The following FNIP2 variants were observed in gnomAD, a reference collection of about 807,000 sequenced individuals.
The protein encoded by FNIP2 is folliculin-interacting protein 2.
A neutral mutation model predicts 108.7 loss-of-function variants in FNIP2; 32 were observed. The ratio of observed to expected loss-of-function variants is 0.29; its 90% CI spans 0.22 to 0.40. FNIP2 has a LOEUF of 0.40. FNIP2 is among the 10% of genes least tolerant of loss of function. The probability of loss-of-function intolerance (pLI) is 1.00; values close to 1 mark genes in which losing one functional copy is unlikely to be tolerated. For missense variants in FNIP2, 1,202 were observed against 1,381.6 expected (o/e 0.87, Z 2.06); for synonymous variants, 480 against 496.7 (o/e 0.97, Z 0.45).
chr4:158,822,180 T>A (rs1027233607), intron 1 of FNIP2, among the ~76,000 whole-genome samples: 30 of 147,894 alleles, frequency 2.0e-4, no homozygotes, highest in Admixed American at 1.9e-3. Flanking sequence ...TCCTCTTTTT[T>A]TTTTTTTTTT....
chr4:158,812,127 A>C (rs1777312334), intron 1 of FNIP2, among the ~76,000 whole-genome samples: 1 of 152,170 alleles, frequency 6.6e-6, no homozygotes, highest in Non-Finnish European at 1.5e-5. Context: ...CACTGCCCCT[A>C]ATATCTTTCC....
At chr4:158,820,326 A>G (rs536117600) in intron 1 of FNIP2, among the ~76,000 whole-genome samples, 1 of 152,286 alleles carries the variant, frequency 6.6e-6, no homozygotes, top group South Asian at 2.1e-4. Context: ...GATTCCTGTA[A>G]AAGTTCAAGA....
chr4:158,780,840 C>T (rs1340749200), intron 1 of FNIP2, among the ~76,000 whole-genome samples: 3 of 152,080 alleles, frequency 2.0e-5, no homozygotes, highest in Non-Finnish European at 4.4e-5. Flanking sequence ...CAAGAACAGC[C>T]TGACCAACAT....
At chr4:158,890,233 A>G in intron 14 of FNIP2, 1 of 985,228 alleles carries the variant, frequency 1.0e-6, no homozygotes. Flanking sequence ...TGGGAAAAAT[A>G]TAAATCCTGA....
chr4:158,875,515 G>GATATATATAT (rs56389652), intron 14 of FNIP2, among the ~76,000 whole-genome samples: 3,889 of 111,760 alleles, frequency 0.035, 249 homozygotes, highest in East Asian at 0.064. Context: ...GCCTGGCTGT[G>GATATATATAT]ATATATATAT....
chr4:158,796,690 C>A (rs1776602259), intron 1 of FNIP2, among the ~76,000 whole-genome samples: 1 of 152,170 alleles, frequency 6.6e-6, no homozygotes, highest in Non-Finnish European at 1.5e-5. Flanking sequence ...TCGCATTTGT[C>A]TAGAATTTTA....
At chr4:158,849,159 A>G (rs1238886364) in intron 7 of FNIP2, among the ~76,000 whole-genome samples, 1 of 152,242 alleles carries the variant, frequency 6.6e-6, no homozygotes, top group African/African-American at 2.4e-5. Flanking sequence ...CAGCTCTTAC[A>G]TAGAAAGGCA....
intron 15 of FNIP2, chr4:158,893,549 T>G: frequency 1.7e-6 from 1 of 605,630 alleles, no homozygotes; most frequent in African/African-American, 1.8e-5. Flanking sequence ...TCCAAACTGT[T>G]TATTTGGGCT....
chr4:158,901,475 C>G (rs549135587), intron 16 of FNIP2, among the ~76,000 whole-genome samples: 1 of 152,002 alleles, frequency 6.6e-6, no homozygotes, highest in Non-Finnish European at 1.5e-5. Flanking sequence ...CTTGGGGTTG[C>G]TCTTCTCGAG....
intron 1 of FNIP2, among the ~76,000 whole-genome samples, chr4:158,784,474 T>C (rs1776151353): frequency 6.6e-6 from 1 of 152,248 alleles, no homozygotes; most frequent in Admixed American, 6.5e-5. Flanking sequence ...ATTTATTGTG[T>C]ACTTTATTTC....
chr4:158,812,078 T>G (rs574484326), intron 1 of FNIP2, among the ~76,000 whole-genome samples: 156 of 152,294 alleles, frequency 1.0e-3, no homozygotes, highest in Middle Eastern at 3.4e-3. Context: ...GTGGATGGTT[T>G]AGCGGCTGCA....
rs565507997 is a variant in FNIP2 at position 158,841,603 on chromosome 4, A to G, written c.727+6127A>G. On this transcript the variant is annotated intron_variant, in intron 7 of 16. Coordinates refer to ENST00000264433, the MANE Select transcript of FNIP2 (RefSeq NM_020840.3). ...TGTGACACCCCATTGACCTTGCACA[A>G]TTCCATACAGGCAAAGGCTTAAGCT... 6.6e-5 allele frequency among the ~76,000 whole-genome samples: 10 copies of G among 152,326 alleles called. No individual in the cohort carries two copies. In the South Asian group the frequency reaches 2.1e-3, roughly 32 times the overall value.
At chr4:158,857,794 A>AAG (rs1780069377) in intron 8 of FNIP2, among the ~76,000 whole-genome samples, 1 of 149,530 alleles carries the variant, frequency 6.7e-6, no homozygotes, top group African/African-American at 2.5e-5. Flanking sequence ...AAAAAAAAAA[A>AAG]AAATGTATCC....
intron 1 of FNIP2, chr4:158,806,257 G>A (rs780140150): frequency 2.3e-6 from 3 of 1,289,344 alleles, no homozygotes; most frequent in East Asian, 5.5e-5. Context: ...GATGTGCGGC[G>A]GCACAGCGAA....
At chr4:158,817,888 T>G (rs1476820623) in intron 1 of FNIP2, among the ~76,000 whole-genome samples, 4 of 152,038 alleles carry the variant, frequency 2.6e-5, no homozygotes, top group Admixed American at 6.6e-5. Context: ...GATTAAGAGG[T>G]GAAGAAGTGA....
intron 1 of FNIP2, among the ~76,000 whole-genome samples, chr4:158,788,247 C>T (rs1776286623): frequency 6.6e-6 from 1 of 152,224 alleles, no homozygotes; most frequent in Non-Finnish European, 1.5e-5. Context: ...CGATAATCTG[C>T]TCTTTCACAG....
chr4:158,786,927 CAGT>C (rs1187378529), intron 1 of FNIP2, among the ~76,000 whole-genome samples: 5 of 151,832 alleles, frequency 3.3e-5, no homozygotes, highest in African/African-American at 1.2e-4. Flanking sequence ...GGATAGGAAA[CAGT>C]AGTGGGAGAG....
At chr4:158,890,202 C>T in intron 14 of FNIP2, 1 of 985,166 alleles carries the variant, frequency 1.0e-6, no homozygotes, top group Non-Finnish European at 1.2e-6. Flanking sequence ...TCAGACTTTG[C>T]CTGATTGCTG....
intron 7 of FNIP2, among the ~76,000 whole-genome samples, chr4:158,837,883 A>G (rs891824400): frequency 1.3e-5 from 2 of 152,210 alleles, no homozygotes; most frequent in African/African-American, 4.8e-5. Context: ...GGGGGCTGCA[A>G]ATGGCCCTGA....
Sources: gnomAD v4.1 joint callset for allele counts (sites outside exome capture counted in the v4.1 genomes callset) on GRCh38, gnomAD v4.1.1 for gene constraint, MANE v1.5 for transcripts, NCBI Gene and HGNC (gene_info 2026-07-23, HGNC 2026-07-21) for gene names.